OCSTAMP: variants seen among roughly 807,000 people sequenced by gnomAD.
OCSTAMP encodes the protein osteoclast stimulatory transmembrane protein.
OCSTAMP carries 17 observed loss-of-function variants against 25.2 expected under a neutral mutation model. The observed-to-expected ratio is 0.68, with a 90% confidence interval of 0.46 to 1.01. OCSTAMP has a LOEUF of 1.01. Among genes scored for constraint, OCSTAMP ranks in the 50% least tolerant of loss-of-function variants. The probability of loss-of-function intolerance (pLI) is 0.00; values close to 1 mark genes in which losing one functional copy is unlikely to be tolerated. For missense variants in OCSTAMP, 664 were observed against 694.6 expected, an observed-to-expected ratio of 0.96 and a Z score of 0.50; for synonymous variants, 345 against 318.9, an observed-to-expected ratio of 1.08 and a Z score of -0.87.
At position 46,550,592 on chromosome 20, in the gene OCSTAMP, G is replaced by A. The variant is rs367727620; in HGVS notation, c.-32C>T. On this transcript the variant is annotated 5_prime_UTR_variant, in exon 1 of 3. Transcript: ENST00000279028. ...CAAATGGCAGTGGTTTCAGGCGGGC[G>A]GTCGCTGGCAGCTGTGGCAGGTGGA... 15 of 1,550,908 alleles carry A rather than the reference G, an allele frequency of 9.7e-6. No homozygotes were observed. Among genetic ancestry groups the A allele is most frequent in the East Asian group, 4.9e-5 (2 of 40,922 alleles).
intron 2 of OCSTAMP, among the ~76,000 whole-genome samples, chr20:46,542,249 A>G (rs1305901587): frequency 6.6e-6 from 1 of 152,146 alleles, no homozygotes; most frequent in Non-Finnish European, 1.5e-5. Flanking sequence ...CAATATACAC[A>G]ATTCTATGGG....
intron 1 of OCSTAMP, 104 bp downstream of exon 1, chr20:46,550,413 G>C: frequency 3.0e-6 from 3 of 1,008,378 alleles, no homozygotes; most frequent in Admixed American, 2.1e-5. Context: ...AGGTCACATA[G>C]CCAAGGAATG....
chr20:46,546,259 G>C lies in OCSTAMP; in HGVS notation c.115C>G (p.Gln39Glu). ...TGGCCACAGCTGGCTGGAACAGGCT[G>C]GGAGAAGGCGTCCCAGGCAGCCTGC... ...PLQAAWDAFS[Q>E]PVPASCGQLL... Residue 39 changes from glutamine to glutamate, a missense_variant, in exon 2 of 3, where the codon CAG becomes GAG. By Grantham distance (29) the Gln-to-Glu change is conservative. Coordinates refer to ENST00000279028, the MANE Select transcript of OCSTAMP (RefSeq NM_080721.3). 6.4e-7 allele frequency: 1 copy of C among 1,550,934 alleles called. No individual in the cohort carries two copies. The highest frequency in any genetic ancestry group is 8.7e-7 in the Non-Finnish European group (1 of 1,146,960).
intron 2 of OCSTAMP, among the ~76,000 whole-genome samples, chr20:46,542,308 A>T (rs887331296): frequency 1.3e-5 from 2 of 152,122 alleles, no homozygotes; most frequent in Admixed American, 1.3e-4. Flanking sequence ...GGCCAGGCGC[A>T]GTGGCTCACG....
At position 46,546,047 on chromosome 20, in the gene OCSTAMP, G is replaced by A. The variant is rs745439957; in HGVS notation, c.327C>T (p.Ser109=). The A allele has an allele frequency of 1.7e-5, 26 of 1,551,432 alleles. No individual in the cohort carries two copies. In the African/African-American group the frequency reaches 2.9e-4, roughly 17 times the overall value. ...VPPVRCLFAL[S]VPTLGMEQGR... is the part of the protein sequence containing the mutation. ...CCTGCTCCATACCCAGGGTGGGCAC[G>A]CTGAGTGCAAACAGGCAGCGGACTG... The change falls in exon 2 of 3, where the codon AGC becomes AGT. Residue 109 remains serine, a synonymous_variant. Coordinates refer to ENST00000279028, the MANE Select transcript of OCSTAMP (RefSeq NM_080721.3).
chr20:46,541,579 G>A lies in OCSTAMP; in HGVS notation c.1396C>T (p.Pro466Ser). Residue 466 changes from proline (P) to serine (S), a missense_variant, in exon 3 of 3, where the codon CCT becomes TCT. Coordinates refer to ENST00000279028, the MANE Select transcript of OCSTAMP (RefSeq NM_080721.3). The part of the protein sequence containing the change: ...HQGQQLPLGD[P>S]SCVPTPRPAC... Reference sequence around the variant, plus strand: ...GGTCTGGGTGTGGGGACGCAAGAAGGATCCCCTAGGGGCAGCTGCTGGCCT... The same window carrying A: ...GGTCTGGGTGTGGGGACGCAAGAAGAATCCCCTAGGGGCAGCTGCTGGCCT... The A allele has an allele frequency of 1.9e-6, 3 of 1,551,678 alleles. No individual in the cohort carries two copies.
chr20:46,547,814 T>C (rs372413164), intron 1 of OCSTAMP, among the ~76,000 whole-genome samples: 136 of 152,124 alleles, frequency 8.9e-4, no homozygotes, highest in African/African-American at 3.1e-3. Flanking sequence ...CTATGGGAAA[T>C]TGGACCAAGA....
Sources: gnomAD v4.1 joint callset for allele counts (sites outside exome capture counted in the v4.1 genomes callset) on GRCh38, gnomAD v4.1.1 for gene constraint, MANE v1.5 for transcripts, NCBI Gene and HGNC (gene_info 2026-07-23, HGNC 2026-07-21) for gene names.